The following RASAL2 variants were observed in gnomAD, a reference collection of about 807,000 sequenced individuals.
RASAL2 encodes ras GTPase-activating protein nGAP.
RASAL2 carries 58 observed loss-of-function variants against 128.9 expected under a neutral mutation model. That is an observed-to-expected ratio of 0.45 (90% CI 0.36 to 0.56). RASAL2 has a LOEUF of 0.56. Ranked by LOEUF, RASAL2 falls within the 20% of genes least tolerant of loss-of-function variation. RASAL2 has a pLI of 0.00. For synonymous variants in RASAL2, 561 were observed against 580.8 expected, an observed-to-expected ratio of 0.97 and a Z score of 0.49; for missense variants, 1,360 against 1,601.6, an observed-to-expected ratio of 0.85 and a Z score of 2.57.
rs1203971744 is a variant in RASAL2, at chr1:178,100,375, AAT to A, written c.202+5682_202+5683del. ...TACTATAAATACAAAAAAAAAAAAA[AAT>A]TAGCAGGGCATGGTGGCACATCTGT... On this transcript the variant is annotated intron_variant, in intron 1 of 17. Coordinates refer to ENST00000367649, the MANE Select transcript of RASAL2 (RefSeq NM_170692.4). Among the ~76,000 whole-genome samples the A allele has an allele frequency of 7.9e-5, 12 of 151,392 alleles. No individual in the cohort carries two copies. The South Asian group carries it at 2.5e-3, about 32-fold the overall frequency.
chr1:178,453,441 A>C (rs1677532867), intron 11 of RASAL2, among the ~76,000 whole-genome samples: 1 of 152,040 alleles, frequency 6.6e-6, no homozygotes. Context: ...TGTGAAAGCA[A>C]ACTTGGCAAA....
intron 1 of RASAL2, among the ~76,000 whole-genome samples, chr1:178,148,371 T>A (rs1021344202): frequency 2.6e-5 from 4 of 152,186 alleles, no homozygotes; most frequent in Non-Finnish European, 4.4e-5. Context: ...ATGGTGAATT[T>A]AAGCACAGTA....
chr1:178,447,004 CAT>C (rs1396751604), intron 9 of RASAL2, among the ~76,000 whole-genome samples: 1 of 152,120 alleles, frequency 6.6e-6, no homozygotes, highest in Non-Finnish European at 1.5e-5. Context: ...ATGAAAGAAA[CAT>C]GTGAACAACA....
Position 178,094,584 on chromosome 1 carries a change from CG to C in RASAL2, c.94del (p.Glu32ArgfsTer38). 6.2e-7 allele frequency: 1 copy of C among 1,608,686 alleles called. No individual in the cohort carries two copies. The highest frequency in any genetic ancestry group is 8.5e-7 in the Non-Finnish European group (1 of 1,177,824). On this transcript the variant is annotated frameshift_variant, in exon 1 of 18. Transcript: ENST00000367649. LOFTEE classifies it high-confidence loss of function. Reference protein sequence around the residue: ...PALESDSPLPPEDLDAVVPVS... With the variant: ...PALESDSPLPXEDLDAVVPVS... Reference sequence around the variant, plus strand: ...CTGGAGTCCGACTCGCCGCTGCCCCCGGAGGACCTGGACGCGGTTGTCCCAG... The same window carrying C: ...CTGGAGTCCGACTCGCCGCTGCCCCCGAGGACCTGGACGCGGTTGTCCCAG...
At chr1:178,419,741 C>T (rs1437069828) in intron 4 of RASAL2, among the ~76,000 whole-genome samples, 1 of 152,052 alleles carries the variant, frequency 6.6e-6, no homozygotes, top group Non-Finnish European at 1.5e-5. Context: ...GGTGCAGAGT[C>T]GAGGAGGATG....
At chr1:178,132,593 C>T (rs1660161571) in intron 1 of RASAL2, among the ~76,000 whole-genome samples, 1 of 152,050 alleles carries the variant, frequency 6.6e-6, no homozygotes, top group Non-Finnish European at 1.5e-5. Flanking sequence ...GGTGGTTTTG[C>T]AATTATGAAT....
At chr1:178,443,282 A>T (rs1464107075) in intron 8 of RASAL2, 53 bp downstream of exon 8, 1 of 1,438,444 alleles carries the variant, frequency 7.0e-7, no homozygotes, top group Non-Finnish European at 9.5e-7. Context: ...TACCTTTCAT[A>T]AACCAAGATA....
intron 1 of RASAL2, among the ~76,000 whole-genome samples, chr1:178,186,527 C>A (rs765176595): frequency 3.3e-5 from 5 of 152,056 alleles, no homozygotes; most frequent in Admixed American, 2.0e-4. Flanking sequence ...AATTTCATTT[C>A]TTTTCTTTCT....
At chr1:178,378,856 A>C (rs955374904) in intron 3 of RASAL2, among the ~76,000 whole-genome samples, 5 of 152,170 alleles carry the variant, frequency 3.3e-5, no homozygotes, top group Non-Finnish European at 7.4e-5. Context: ...GTTTAACTCA[A>C]CAAGTTAGAT....
intron 1 of RASAL2, among the ~76,000 whole-genome samples, chr1:178,135,732 G>C (rs999290927): frequency 2.6e-5 from 4 of 152,204 alleles, no homozygotes; most frequent in African/African-American, 9.6e-5. Flanking sequence ...TGGACTTACA[G>C]TTCCATGTGG....
intron 3 of RASAL2, among the ~76,000 whole-genome samples, chr1:178,345,265 T>C (rs1233183920): frequency 6.6e-6 from 1 of 152,130 alleles, no homozygotes; most frequent in East Asian, 1.9e-4. Flanking sequence ...AAAAAGTAGT[T>C]TAGGTTTGTG....
chr1:178,259,314 G>A (rs1387090920), intron 1 of RASAL2, among the ~76,000 whole-genome samples: 4 of 151,450 alleles, frequency 2.6e-5, no homozygotes, highest in Non-Finnish European at 5.9e-5. Context: ...TGTATTTTTA[G>A]TAGAGACGGG....
At chr1:178,367,162 C>T (rs1671446010) in intron 3 of RASAL2, among the ~76,000 whole-genome samples, 1 of 152,148 alleles carries the variant, frequency 6.6e-6, no homozygotes, top group African/African-American at 2.4e-5. Context: ...TCAAAGACCC[C>T]TAACATTACA....
intron 2 of RASAL2, among the ~76,000 whole-genome samples, chr1:178,297,466 G>C (rs940070029): frequency 6.6e-6 from 1 of 151,528 alleles, no homozygotes; most frequent in Non-Finnish European, 1.5e-5. Flanking sequence ...AATCAGCTGG[G>C]CGTGGTGGCG....
intron 1 of RASAL2, among the ~76,000 whole-genome samples, chr1:178,097,408 T>A (rs1309127495): frequency 6.6e-6 from 1 of 152,230 alleles, no homozygotes; most frequent in African/African-American, 2.4e-5. Flanking sequence ...ACCAAGCCCT[T>A]AACTTAATGC....
intron 8 of RASAL2, among the ~76,000 whole-genome samples, chr1:178,443,760 C>T (rs1676821479): frequency 6.6e-6 from 1 of 152,032 alleles, no homozygotes. Flanking sequence ...CTTATTTCAC[C>T]TTGGATAGAA....
At position 178,165,963 on chromosome 1, in the gene RASAL2, A is replaced by C. The variant is rs565187771; in HGVS notation, c.202+71269A>C. Among the ~76,000 whole-genome samples the C allele has an allele frequency of 9.9e-4, 150 of 152,144 alleles. 1 individual carries two copies. Among genetic ancestry groups the C allele is most frequent in the Non-Finnish European group, 1.9e-3 (126 of 67,994 alleles). ...AGCGGGAATTACATTTATAAGCTGC[A>C]TTTCCCCCCCATCTTTGTACGTATG... On this transcript the variant is annotated intron_variant, in intron 1 of 17. Coordinates refer to ENST00000367649, the MANE Select transcript of RASAL2 (RefSeq NM_170692.4).
At chr1:178,219,102 T>C (rs1663529412) in intron 1 of RASAL2, among the ~76,000 whole-genome samples, 1 of 152,260 alleles carries the variant, frequency 6.6e-6, no homozygotes, top group African/African-American at 2.4e-5. Flanking sequence ...CTTGTACTTT[T>C]ATGTTCTGGA....
intron 3 of RASAL2, among the ~76,000 whole-genome samples, chr1:178,356,499 G>A (rs193113012): frequency 6.6e-6 from 1 of 152,174 alleles, no homozygotes; most frequent in Admixed American, 6.5e-5. Flanking sequence ...ACATCATCAT[G>A]TAGTAAAATG....
Sources: allele counts gnomAD v4.1 joint callset (sites outside exome capture counted in the v4.1 genomes callset), GRCh38; gene constraint gnomAD v4.1.1; transcripts MANE v1.5; gene names NCBI Gene and HGNC (gene_info 2026-07-23, HGNC 2026-07-21).